Variants in DYNC2I1 observed in about 807,000 individuals in gnomAD.
DYNC2I1 encodes dynein 2 intermediate chain 1, also known as cytoplasmic dynein 2 intermediate chain 1.
In DYNC2I1, 89 loss-of-function variants were observed where a neutral mutation model predicts 133.4. The observed-to-expected ratio is 0.67, with a 90% CI of 0.56 to 0.80. DYNC2I1 has a LOEUF of 0.80. DYNC2I1 is among the 30% of genes least tolerant of loss of function. DYNC2I1 has a pLI of 0.00. For synonymous variants in DYNC2I1, 504 were observed against 484.3 expected (o/e 1.04, Z -0.54); for missense variants, 1,291 against 1,314.5 (o/e 0.98, Z 0.28).
intron 10 of DYNC2I1, chr7:158,904,285 GC>G (rs1846536798): frequency 6.6e-6 from 1 of 152,270 alleles, no homozygotes; most frequent in South Asian, 2.1e-4. Context: ...GGAGTGCCAG[GC>G]ACGTTCTGAG....
rs764996777 is a variant in DYNC2I1, at chr7:158,934,552, A to G, written c.2778+3A>G. 1 of 1,550,630 alleles carries G rather than the reference A, an allele frequency of 6.4e-7. No individual in the cohort carries two copies. Among genetic ancestry groups the G allele is most frequent in the South Asian group, 1.2e-5 (1 of 83,568 alleles). On this transcript the variant is annotated splice_donor_region_variant and intron_variant, in intron 23 of 24. Transcript: ENST00000407559. ...CATTTGGAGAACCAATATTTTTGGT[A>G]AGAAAGTTTGTTTTTCAGAGCTCCA...
At chr7:158,859,501 AC>A (rs1234840796) in intron 1 of DYNC2I1, among the ~76,000 whole-genome samples, 1 of 152,058 alleles carries the variant, frequency 6.6e-6, no homozygotes, top group Non-Finnish European at 1.5e-5. Flanking sequence ...CATATTTAAT[AC>A]ATAAAATTCA....
In DYNC2I1 at chr7:158,890,005, CAAAAAAA is replaced by C. The variant is rs35423707; in HGVS notation, c.991-1242_991-1236del. Among the ~76,000 whole-genome samples the C allele has an allele frequency of 5.0e-3, 338 of 67,988 alleles. 2 individuals carry two copies. Among genetic ancestry groups the C allele is most frequent in the African/African-American group, 0.017 (320 of 18,736 alleles). The allele number at this position is 67,988 out of a possible 152,430, so 44.6% of individuals were successfully genotyped here. On this transcript the variant is annotated intron_variant, in intron 7 of 24. Transcript: ENST00000407559. ...TGGGCCACGGAGTGAGACTCCTTCTCAAAAAAAAAAAAAAAAAAAAAAAATAGAGGTA... is the reference window on the plus strand; with the variant it reads ...TGGGCCACGGAGTGAGACTCCTTCTCAAAAAAAAAAAAAAAAATAGAGGTA...
chr7:158,926,178 G>T lies in DYNC2I1; in HGVS notation c.2258-9G>T. On this transcript the variant is annotated splice_polypyrimidine_tract_variant and intron_variant, in intron 17 of 24. Transcript: ENST00000407559. Reference sequence around the variant, plus strand: ...TTACACGTGGATGCTGTGGGCTTTTGAACTCCAGATGGAATCCTTACCTCA... The same window carrying T: ...TTACACGTGGATGCTGTGGGCTTTTTAACTCCAGATGGAATCCTTACCTCA... 1 of 1,607,682 alleles carries T rather than the reference G, an allele frequency of 6.2e-7. No individual in the cohort carries two copies. The highest frequency in any genetic ancestry group is 1.1e-5 in the South Asian group (1 of 89,996).
intron 6 of DYNC2I1, among the ~76,000 whole-genome samples, chr7:158,886,750 T>A (rs1302551093): frequency 6.6e-6 from 1 of 152,034 alleles, no homozygotes; most frequent in Non-Finnish European, 1.5e-5. Flanking sequence ...ACTACAGGCA[T>A]GTGCCACCAT....
intron 8 of DYNC2I1, among the ~76,000 whole-genome samples, chr7:158,896,330 C>T (rs1266868235): frequency 6.6e-6 from 1 of 152,092 alleles, no homozygotes; most frequent in African/African-American, 2.4e-5. Context: ...GTTTTTTCTC[C>T]ATTTACTGAT....
downstream of DYNC2I1, among the ~76,000 whole-genome samples, chr7:158,948,289 C>A (rs1019373246): frequency 6.6e-6 from 1 of 152,256 alleles, no homozygotes; most frequent in Non-Finnish European, 1.5e-5. Context: ...ACGGGGGTCT[C>A]CAAGCCCACC....
chr7:158,945,838 G>A lies in DYNC2I1; in HGVS notation c.*59G>A, dbSNP rs1851837042. ...GACCCAGATTTAAAAGACATAAGGT[G>A]GATAATTCTACATTTGTGTGCAAGT... On this transcript the variant is annotated 3_prime_UTR_variant, in exon 25 of 25. Coordinates refer to ENST00000407559, the MANE Select transcript of DYNC2I1 (RefSeq NM_018051.5). This position sits in a 1 kb window ranked among gnomAD's most constrained non-coding sequence, Gnocchi z 4.1. The A allele has an allele frequency of 3.7e-5, 53 of 1,426,798 alleles. No homozygotes were observed. The highest frequency in any genetic ancestry group is 4.6e-5 in the Non-Finnish European group (50 of 1,079,862). 88.4% of individuals were successfully genotyped at this position (1,426,798 alleles called of 1,614,324 possible).
At chr7:158,881,712 C>G (rs1295452038) in intron 5 of DYNC2I1, among the ~76,000 whole-genome samples, 2 of 152,170 alleles carry the variant, frequency 1.3e-5, no homozygotes, top group African/African-American at 4.8e-5. Context: ...CTTGGCCTCC[C>G]AAAGTGCTGG....
At chr7:158,856,269 A>T (rs1332376783), upstream of DYNC2I1, among the ~76,000 whole-genome samples, 1 of 151,938 alleles carries the variant, frequency 6.6e-6, no homozygotes, top group African/African-American at 2.4e-5. Context: ...TCTTTTCAAT[A>T]TCTGCTCTCC....
intron 20 of DYNC2I1, among the ~76,000 whole-genome samples, chr7:158,929,866 C>T (rs960961024): frequency 1.3e-5 from 2 of 152,196 alleles, no homozygotes; most frequent in African/African-American, 4.8e-5. Context: ...TGAACGCTTT[C>T]AGGAAGGAAA....
upstream of DYNC2I1, among the ~76,000 whole-genome samples, chr7:158,852,221 A>C (rs1448348117): frequency 1.3e-5 from 2 of 151,800 alleles, no homozygotes; most frequent in African/African-American, 4.8e-5. Context: ...TCCTGGTTTC[A>C]AGCGATTCTC....
At position 158,905,987 on chromosome 7, in the gene DYNC2I1, A is replaced by G; in HGVS notation, c.1358-2A>G. The stretch of plus-strand genomic sequence containing the variant: ...AAAATAGTGTTTTTCTCCCTCACAC[A>G]GATACAAACAGTTCCCCTTCCAGAG... On this transcript the variant is annotated splice_acceptor_variant, in intron 10 of 24. Coordinates refer to ENST00000407559, the MANE Select transcript of DYNC2I1 (RefSeq NM_018051.5). LOFTEE classifies it high-confidence loss of function. 2.5e-6 allele frequency: 4 copies of G among 1,612,316 alleles called. No individual in the cohort carries two copies. The highest frequency in any genetic ancestry group is 3.4e-6 in the Non-Finnish European group (4 of 1,179,092).
intron 5 of DYNC2I1, among the ~76,000 whole-genome samples, chr7:158,883,218 C>CTT (rs201980757): frequency 6.7e-5 from 9 of 134,370 alleles, no homozygotes; most frequent in South Asian, 2.4e-4. Flanking sequence ...TTTTCTTCTT[C>CTT]TTTTTTTTTT....
chr7:158,863,246 T>C (rs1288555570), intron 1 of DYNC2I1, among the ~76,000 whole-genome samples: 1 of 151,984 alleles, frequency 6.6e-6, no homozygotes, highest in Non-Finnish European at 1.5e-5. Flanking sequence ...GATTGGTGCG[T>C]TTACAAACCT....
rs537840615 is a variant in DYNC2I1, at chr7:158,939,866, C to T, written c.2779-2059C>T. 6.6e-5 allele frequency among the ~76,000 whole-genome samples: 10 copies of T among 151,964 alleles called. No individual in the cohort carries two copies. In the South Asian group the frequency reaches 1.0e-3, roughly 16 times the overall value. ...ACAAATCAAAGACTGTAAAAAATGA[C>T]AAAAAGGGGTCTATATATAATGATA... On this transcript the variant is annotated intron_variant, in intron 23 of 24. Transcript: ENST00000407559.
At chr7:158,923,779 C>G in intron 17 of DYNC2I1, 46 bp downstream of exon 17, 1 of 1,581,162 alleles carries the variant, frequency 6.3e-7, no homozygotes, top group Non-Finnish European at 8.6e-7. Context: ...AGAAAAGCCA[C>G]ACGGATTTGA....
chr7:158,863,627 G>C (rs1007453015), intron 1 of DYNC2I1, among the ~76,000 whole-genome samples: 2 of 115,570 alleles, frequency 1.7e-5, no homozygotes, highest in Non-Finnish European at 3.7e-5. Flanking sequence ...GGGTGTGTTT[G>C]GGGGGGGCGG....
intron 3 of DYNC2I1, among the ~76,000 whole-genome samples, chr7:158,875,844 T>C (rs1176715658): frequency 1.3e-5 from 2 of 152,304 alleles, no homozygotes; most frequent in African/African-American, 2.4e-5. Flanking sequence ...CCGACTGGGC[T>C]GGTTCTCCTG....
Sources: gnomAD v4.1 joint callset for allele counts (sites outside exome capture counted in the v4.1 genomes callset) on GRCh38, gnomAD v4.1.1 for gene constraint, Gnocchi (gnomAD v3.1) non-coding constraint, MANE v1.5 for transcripts, NCBI Gene and HGNC (gene_info 2026-07-23, HGNC 2026-07-21) for gene names.